Variants in UGT2B4 observed in about 807,000 individuals in gnomAD.
UGT2B4 encodes the protein UDP-glucuronosyltransferase 2B4.
UGT2B4 carries 49 observed loss-of-function variants against 49.8 expected under a neutral mutation model. The observed-to-expected ratio is 0.98, with a 90% CI of 0.78 to 1.25. The LOEUF (loss-of-function observed/expected upper bound fraction) is 1.25, where lower values mean the gene tolerates loss of function less well. Among genes scored for constraint, UGT2B4 ranks in the 50% most tolerant of loss-of-function variants. UGT2B4 has a pLI of 0.00. For synonymous variants in UGT2B4, 246 were observed against 217.7 expected, an observed-to-expected ratio of 1.13 and a Z score of -1.14; for missense variants, 729 against 627.7, an observed-to-expected ratio of 1.16 and a Z score of -1.73.
chr4:69,485,184 G>T, intron 5 of UGT2B4, 24 bp downstream of exon 5: 1 of 1,612,460 alleles, frequency 6.2e-7, no homozygotes, highest in Non-Finnish European at 8.5e-7. Context: ...AAAGACCACC[G>T]AGTAAAAAAA....
At chr4:69,496,054 C>T (rs191067955), upstream of UGT2B4, 466 of 843,672 alleles carry the variant, frequency 5.5e-4, no homozygotes, top group Admixed American at 1.1e-3. Context: ...TACACAAGTG[C>T]GTTTAATGTT....
intron 1 of UGT2B4, among the ~76,000 whole-genome samples, chr4:69,518,664 C>G (rs1348275661): frequency 6.6e-6 from 1 of 152,062 alleles, no homozygotes; most frequent in Non-Finnish European, 1.5e-5. Flanking sequence ...AAAAATTAAA[C>G]AATAACTTTT....
intron 1 of UGT2B4, 49 bp from the exon 2 acceptor site, chr4:69,493,890 C>T: frequency 1.9e-6 from 3 of 1,549,182 alleles, no homozygotes; most frequent in Non-Finnish European, 2.6e-6. Context: ...GATAATTAAA[C>T]TAGGTAATTT....
At chr4:69,494,337 C>G (rs192224176) in intron 1 of UGT2B4, among the ~76,000 whole-genome samples, 1 of 152,142 alleles carries the variant, frequency 6.6e-6, no homozygotes, top group African/African-American at 2.4e-5. Flanking sequence ...ATCCTTGTAC[C>G]TACTACTGCT....
At chr4:69,502,588 G>A (rs1259899120) in intron 1 of UGT2B4, among the ~76,000 whole-genome samples, 1 of 152,136 alleles carries the variant, frequency 6.6e-6, no homozygotes, top group South Asian at 2.1e-4. Context: ...TGACCAGACT[G>A]TAATGTGGTT....
At chr4:69,494,511 A>G (rs17614939) in intron 1 of UGT2B4, among the ~76,000 whole-genome samples, 20,987 of 152,204 alleles carry the variant, frequency 0.14, 1,937 homozygotes, top group Non-Finnish European at 0.21. Flanking sequence ...AAAACTATAC[A>G]GTTGTAACTT....
intron 3 of UGT2B4, among the ~76,000 whole-genome samples, chr4:69,489,087 T>C (rs1446878858): frequency 6.6e-6 from 1 of 152,136 alleles, no homozygotes. Context: ...CTGTAGGATG[T>C]ACATCGCCCT....
At chr4:69,495,949 T>G, upstream of UGT2B4, 1 of 1,507,098 alleles carries the variant, frequency 6.6e-7, no homozygotes, top group Non-Finnish European at 8.8e-7. Context: ...GTCAAGAAGT[T>G]AAAATGTAAC....
intron 1 of UGT2B4, among the ~76,000 whole-genome samples, chr4:69,510,056 T>A (rs1728569294): frequency 1.3e-5 from 2 of 152,290 alleles, no homozygotes; most frequent in South Asian, 4.1e-4. Context: ...GATAAAATTT[T>A]ATTTATCTTT....
At chr4:69,524,266 T>C (rs1371670963) in intron 1 of UGT2B4, among the ~76,000 whole-genome samples, 2 of 152,124 alleles carry the variant, frequency 1.3e-5, no homozygotes, top group Admixed American at 6.5e-5. Flanking sequence ...CCTTCCTCAC[T>C]TATCTTAATA....
intron 1 of UGT2B4, among the ~76,000 whole-genome samples, chr4:69,514,942 G>A (rs2010298): frequency 0.59 from 89,264 of 151,874 alleles, 26,948 homozygotes; most frequent in East Asian, 0.75. Flanking sequence ...ATTACATAAT[G>A]GGGAAGGGTT....
chr4:69,504,480 C>A (rs1292934112), intron 1 of UGT2B4, among the ~76,000 whole-genome samples: 3 of 151,718 alleles, frequency 2.0e-5, no homozygotes, highest in Non-Finnish European at 4.4e-5. Flanking sequence ...CAGAATAGAC[C>A]AAGCAAAGAA....
intron 1 of UGT2B4, among the ~76,000 whole-genome samples, chr4:69,522,285 G>A (rs189619118): frequency 9.2e-4 from 140 of 152,248 alleles, no homozygotes; most frequent in African/African-American, 3.3e-3. Context: ...GAATGTTTCT[G>A]ATAATTAAGA....
intron 1 of UGT2B4, among the ~76,000 whole-genome samples, chr4:69,502,089 C>CTTTCTT (rs879676979): frequency 1.2e-5 from 1 of 84,148 alleles, no homozygotes; most frequent in South Asian, 4.1e-4. Context: ...CTTTCTTTCT[C>CTTTCTT]TCTCTTTCTT....
chr4:69,483,921 C>A (rs555859895), intron 5 of UGT2B4, among the ~76,000 whole-genome samples: 1 of 151,756 alleles, frequency 6.6e-6, no homozygotes, highest in Non-Finnish European at 1.5e-5. Flanking sequence ...GGGATTGTAT[C>A]CATAATACAT....
rs765274693 is a variant in UGT2B4, at chr4:69,485,248, CTGTA to C, written c.1266_1269del (p.Ser422ArgfsTer7). On this transcript the variant is annotated frameshift_variant, in exon 5 of 6. Coordinates refer to ENST00000305107, the MANE Select transcript of UGT2B4 (RefSeq NM_021139.3). LOFTEE classifies it high-confidence loss of function. ...ACTGTCTTCAGTGCATTGAGTAAGT[CTGTA>C]CTCGACATTGTGTGGAAGTCCAAAC... The C allele has an allele frequency of 1.2e-6, 2 of 1,613,784 alleles. No individual in the cohort carries two copies. The highest frequency in any genetic ancestry group is 3.3e-5 in the Admixed American group (2 of 59,972).
chr4:69,503,897 C>T (rs907017896), intron 1 of UGT2B4, among the ~76,000 whole-genome samples: 4 of 152,118 alleles, frequency 2.6e-5, no homozygotes, highest in African/African-American at 9.7e-5. Context: ...CCTTGAGGAG[C>T]CAGAGAACAA....
At chr4:69,491,527 G>T (rs565374794) in intron 2 of UGT2B4, among the ~76,000 whole-genome samples, 2 of 152,090 alleles carry the variant, frequency 1.3e-5, no homozygotes, top group Admixed American at 6.6e-5. Flanking sequence ...AATTATCTGA[G>T]AATCTAATAT....
intron 1 of UGT2B4, among the ~76,000 whole-genome samples, chr4:69,523,790 T>C (rs1291593014): frequency 1.3e-5 from 2 of 152,136 alleles, no homozygotes; most frequent in African/African-American, 4.8e-5. Flanking sequence ...TAAAGGGCAA[T>C]TTTGTCTACG....
Sources: gnomAD v4.1 joint callset for allele counts (sites outside exome capture counted in the v4.1 genomes callset) on GRCh38, gnomAD v4.1.1 for gene constraint, MANE v1.5 for transcripts, NCBI Gene and HGNC (gene_info 2026-07-23, HGNC 2026-07-21) for gene names.